The following MEGF11 variants were observed in gnomAD, a reference collection of about 807,000 sequenced individuals.
MEGF11 encodes multiple EGF like domains 11.
A neutral mutation model predicts 146.6 loss-of-function variants in MEGF11; 126 were observed. The observed-to-expected ratio is 0.86, with a 90% CI of 0.74 to 1.00. MEGF11 has a LOEUF of 1.00. Ranked by LOEUF, MEGF11 falls within the 50% of genes least tolerant of loss-of-function variation. MEGF11 has a pLI of 0.00. For missense variants in MEGF11, 1,509 were observed against 1,521.2 expected (o/e 0.99, Z 0.13); for synonymous variants, 532 against 583.4 (o/e 0.91, Z 1.27).
At chr15:66,079,912 G>A (rs956913278) in intron 5 of MEGF11, among the ~76,000 whole-genome samples, 9 of 152,148 alleles carry the variant, frequency 5.9e-5, no homozygotes, top group South Asian at 4.1e-4. Context: ...CCACAAGGGC[G>A]GGGCTCCCCA....
chr15:66,064,892 T>C (rs1230526922), intron 5 of MEGF11, among the ~76,000 whole-genome samples: 3 of 152,172 alleles, frequency 2.0e-5, no homozygotes, highest in Admixed American at 6.5e-5. Flanking sequence ...AGACAGGGTC[T>C]AGATTCCTCC....
At chr15:66,090,421 T>C (rs1037479127) in intron 5 of MEGF11, among the ~76,000 whole-genome samples, 4 of 152,204 alleles carry the variant, frequency 2.6e-5, no homozygotes, top group African/African-American at 4.8e-5. Context: ...TTTAAAAAAT[T>C]CAGCACCAAA....
intron 5 of MEGF11, among the ~76,000 whole-genome samples, chr15:66,070,016 G>A (rs2085298833): frequency 6.6e-6 from 1 of 152,138 alleles, no homozygotes; most frequent in Non-Finnish European, 1.5e-5. Flanking sequence ...GTTTAATTAG[G>A]GCGTGGCCTA....
intron 25 of MEGF11, 94 bp from the exon 26 acceptor site, chr15:65,898,188 A>C: frequency 2.0e-6 from 3 of 1,478,364 alleles, no homozygotes; most frequent in Non-Finnish European, 2.7e-6. Context: ...TGGGGAAAGG[A>C]GCCAGGGATT....
chr15:66,161,839 A>T (rs549047017), intron 1 of MEGF11, among the ~76,000 whole-genome samples: 1 of 152,340 alleles, frequency 6.6e-6, no homozygotes, highest in South Asian at 2.1e-4. Context: ...CTCACGGAGC[A>T]GCAAGCCAGC....
chr15:66,103,121 G>A (rs575800625), intron 4 of MEGF11, among the ~76,000 whole-genome samples: 1 of 152,314 alleles, frequency 6.6e-6, no homozygotes, highest in East Asian at 1.9e-4. Context: ...GAACTGAGTG[G>A]GACAGATGGC....
At chr15:66,223,364 G>A (rs2091779741) in intron 1 of MEGF11, among the ~76,000 whole-genome samples, 1 of 151,408 alleles carries the variant, frequency 6.6e-6, no homozygotes, top group Non-Finnish European at 1.5e-5. Flanking sequence ...ACTGATAAGG[G>A]ATATAGGGTT....
At chr15:65,944,789 CT>C (rs1375898289) in intron 10 of MEGF11, among the ~76,000 whole-genome samples, 1 of 151,942 alleles carries the variant, frequency 6.6e-6, no homozygotes, top group Non-Finnish European at 1.5e-5. Flanking sequence ...ACTGGAGAGG[CT>C]TTTACTAGAG....
intron 4 of MEGF11, among the ~76,000 whole-genome samples, chr15:66,116,839 T>A (rs2087754856): frequency 6.6e-6 from 1 of 152,174 alleles, no homozygotes; most frequent in Non-Finnish European, 1.5e-5. Context: ...GTGTTACTAC[T>A]GCCATTTTAC....
chr15:65,955,685 A>C (rs1442807804), intron 10 of MEGF11, among the ~76,000 whole-genome samples: 1 of 137,982 alleles, frequency 7.2e-6, no homozygotes, highest in Non-Finnish European at 1.5e-5. Context: ...CGGAGGTTGC[A>C]ATGAGCCGAG....
chr15:66,248,394 T>C (rs2092326126), intron 1 of MEGF11, among the ~76,000 whole-genome samples: 1 of 152,218 alleles, frequency 6.6e-6, no homozygotes, highest in Admixed American at 6.5e-5. Flanking sequence ...ATCAAGGGCT[T>C]TTGTCACAAT....
rs2079450373 is a variant in MEGF11 at position 65,928,427 on chromosome 15, G to T, written c.1673C>A (p.Thr558Lys). The T allele has an allele frequency of 2.5e-6, 4 of 1,587,606 alleles. No homozygotes were observed. The highest frequency in any genetic ancestry group is 3.4e-6 in the Non-Finnish European group (4 of 1,163,228). Residue 558 changes from threonine (T) to lysine (K), a missense_variant and splice_region_variant, in exon 13 of 26, where the codon ACA becomes AAA. By Grantham distance (78) the Thr-to-Lys change is moderately conservative. Coordinates refer to ENST00000395614, the MANE Select transcript of MEGF11 (RefSeq NM_001385028.1). ...GTGGCACAGCAAGGGAAGGTTACCT[G>T]TCCATCCGGCCAGGCAGCAGCAGTG... ...TGHCCCLAGW[T>K]GIRCDSTCPP...
chr15:65,949,124 T>C (rs1038902194), intron 10 of MEGF11, among the ~76,000 whole-genome samples: 1 of 152,162 alleles, frequency 6.6e-6, no homozygotes, highest in Admixed American at 6.5e-5. Flanking sequence ...TGGCTGTCAT[T>C]TTCAGTCTGC....
intron 1 of MEGF11, among the ~76,000 whole-genome samples, chr15:66,208,652 T>C (rs35615386): frequency 0.48 from 72,917 of 151,270 alleles, 17,939 homozygotes; most frequent in African/African-American, 0.51. Context: ...GAGGTCAAGG[T>C]GGGCAGATCA....
chr15:66,048,909 G>T (rs767765728), intron 5 of MEGF11, among the ~76,000 whole-genome samples: 3 of 152,176 alleles, frequency 2.0e-5, no homozygotes, highest in African/African-American at 7.2e-5. Context: ...GGAAGGGCAC[G>T]CTTTCTACAT....
At chr15:66,042,361 C>T (rs566923410) in intron 5 of MEGF11, among the ~76,000 whole-genome samples, 15 of 152,230 alleles carry the variant, frequency 9.9e-5, no homozygotes, top group East Asian at 1.9e-4. Context: ...CTGCCCACTT[C>T]GGCCTCCCAA....
chr15:66,250,348 C>T (rs2092352967), intron 1 of MEGF11, among the ~76,000 whole-genome samples: 1 of 152,182 alleles, frequency 6.6e-6, no homozygotes, highest in African/African-American at 2.4e-5. Context: ...TCAGAATTCC[C>T]TATTATATTG....
chr15:65,949,118 T>A (rs2080300737), intron 10 of MEGF11, among the ~76,000 whole-genome samples: 1 of 152,222 alleles, frequency 6.6e-6, no homozygotes, highest in South Asian at 2.1e-4. Context: ...GTCACCTGGC[T>A]GTCATTTTCA....
At chr15:66,182,460 A>G (rs1319192788) in intron 1 of MEGF11, among the ~76,000 whole-genome samples, 1 of 152,230 alleles carries the variant, frequency 6.6e-6, no homozygotes, top group Non-Finnish European at 1.5e-5. Context: ...ATGATCACAC[A>G]GGAGTAAGAA....
Sources: allele counts gnomAD v4.1 joint callset (sites outside exome capture counted in the v4.1 genomes callset), GRCh38; gene constraint gnomAD v4.1.1; transcripts MANE v1.5; gene names NCBI Gene and HGNC (gene_info 2026-07-23, HGNC 2026-07-21).